The following RCAN1 variants were observed in gnomAD, a reference collection of about 807,000 sequenced individuals.
The protein encoded by RCAN1 is calcipressin-1.
Under a neutral mutation model 22.9 loss-of-function variants are expected in RCAN1, and 11 were observed. That is an observed-to-expected ratio of 0.48 (90% CI 0.30 to 0.79). The LOEUF is 0.79. Ranked by LOEUF, RCAN1 falls within the 30% of genes least tolerant of loss-of-function variation. The pLI, the probability that RCAN1 is intolerant of heterozygous loss-of-function variation, is 0.06. For synonymous variants in RCAN1, 136 were observed against 142.3 expected (o/e 0.96, Z 0.32); for missense variants, 291 against 337.8 (o/e 0.86, Z 1.09).
At chr21:34,595,086 G>A (rs1426787899) in intron 1 of RCAN1, among the ~76,000 whole-genome samples, 2 of 152,194 alleles carry the variant, frequency 1.3e-5, no homozygotes, top group Non-Finnish European at 2.9e-5. Flanking sequence ...AGGATGAAAT[G>A]CATTCACACT....
intron 1 of RCAN1, among the ~76,000 whole-genome samples, chr21:34,555,586 A>G (rs1986529014): frequency 6.6e-6 from 1 of 150,626 alleles, no homozygotes; most frequent in Non-Finnish European, 1.5e-5. Context: ...AAAAAAATAA[A>G]TAAAATAATA....
intron 1 of RCAN1, among the ~76,000 whole-genome samples, chr21:34,530,154 A>G (rs1235813192): frequency 6.6e-6 from 1 of 152,248 alleles, no homozygotes; most frequent in African/African-American, 2.4e-5. Context: ...TGCACTCAAC[A>G]TGATAAAACT....
At chr21:34,532,225 A>G (rs959431866) in intron 1 of RCAN1, among the ~76,000 whole-genome samples, 1 of 151,406 alleles carries the variant, frequency 6.6e-6, no homozygotes. Flanking sequence ...ATCAGATATT[A>G]AGGGTGGGGG....
intron 1 of RCAN1, among the ~76,000 whole-genome samples, chr21:34,573,704 T>C (rs2123686456): frequency 6.6e-6 from 1 of 152,366 alleles, no homozygotes; most frequent in Non-Finnish European, 1.5e-5. Flanking sequence ...CTGGACTCTT[T>C]CTTGGTCCTT....
intron 1 of RCAN1, among the ~76,000 whole-genome samples, chr21:34,548,636 G>T (rs1986238504): frequency 6.6e-6 from 1 of 152,156 alleles, no homozygotes; most frequent in South Asian, 2.1e-4. Flanking sequence ...TAAAACCTTT[G>T]TCTTTAACTG....
intron 1 of RCAN1, among the ~76,000 whole-genome samples, chr21:34,558,544 T>C (rs1284962461): frequency 6.6e-6 from 1 of 152,280 alleles, no homozygotes; most frequent in East Asian, 1.9e-4. Context: ...AGACACTGAT[T>C]CCTCAAATGG....
chr21:34,521,495 T>A lies in RCAN1; in HGVS notation c.586+4A>T, dbSNP rs1213155734. On this transcript the variant is annotated splice_donor_region_variant and intron_variant, in intron 3 of 3. Transcript: ENST00000313806. Reference sequence around the variant, plus strand: ...CCTCCCTCCCACCCGAGGGCCCTGCTCACCTGGCCCCAGCTTGGAGATGGC... The same window carrying A: ...CCTCCCTCCCACCCGAGGGCCCTGCACACCTGGCCCCAGCTTGGAGATGGC... The A allele has an allele frequency of 1.7e-5, 28 of 1,614,132 alleles. No individual in the cohort carries two copies. The highest frequency in any genetic ancestry group is 2.1e-5 in the Non-Finnish European group (25 of 1,180,012).
In RCAN1 at chr21:34,604,978, T is replaced by G. The variant is rs536598142; in HGVS notation, c.252+9782A>C. 2.3e-4 allele frequency among the ~76,000 whole-genome samples: 35 copies of G among 152,384 alleles called. 1 individual carries two copies. The highest frequency in any genetic ancestry group is 8.2e-4 in the African/African-American group (34 of 41,598). On this transcript the variant is annotated intron_variant, in intron 1 of 3. Coordinates refer to ENST00000313806, the MANE Select transcript of RCAN1 (RefSeq NM_004414.7). ...TCCACCTGAGCAGCAGGGTGCCACC[T>G]GCCTGGCACGCCATCGGCATGCATA...
chr21:34,612,593 A>G (rs1327394358), intron 1 of RCAN1, among the ~76,000 whole-genome samples: 1 of 152,080 alleles, frequency 6.6e-6, no homozygotes, highest in African/African-American at 2.4e-5. Flanking sequence ...CAACCTATGG[A>G]CTCCACTGCA....
chr21:34,612,204 A>G (rs1249774353), intron 1 of RCAN1, among the ~76,000 whole-genome samples: 1 of 152,124 alleles, frequency 6.6e-6, no homozygotes, highest in Non-Finnish European at 1.5e-5. Context: ...CCCTCCTGAA[A>G]GCCATTCTCC....
chr21:34,603,425 G>A (rs571926258), intron 1 of RCAN1, among the ~76,000 whole-genome samples: 118 of 152,340 alleles, frequency 7.7e-4, no homozygotes, highest in Non-Finnish European at 1.3e-3. Context: ...ATGGCGCTGG[G>A]AAAGGGGAGA....
At chr21:34,610,360 G>C (rs190807765) in intron 1 of RCAN1, among the ~76,000 whole-genome samples, 1 of 152,270 alleles carries the variant, frequency 6.6e-6, no homozygotes, top group East Asian at 1.9e-4. Context: ...CCATTAAGGC[G>C]AACGGAGGTA....
At chr21:34,540,497 G>A (rs556009951) in intron 1 of RCAN1, among the ~76,000 whole-genome samples, 7 of 152,254 alleles carry the variant, frequency 4.6e-5, no homozygotes, top group African/African-American at 1.7e-4. Context: ...CTCCTTGGCT[G>A]GGTAAAATTA....
At position 34,614,680 on chromosome 21, in the gene RCAN1, G is replaced by A. The variant is rs1988770403; in HGVS notation, c.252+80C>T. ...CCCCGCCCCGCGCGCGGCCGGGACT[G>A]GGCGCTGCGACCCGCGCCGCCTCCT... On this transcript the variant is annotated intron_variant, in intron 1 of 3. Coordinates refer to ENST00000313806, the MANE Select transcript of RCAN1 (RefSeq NM_004414.7). This position sits in a 1 kb window ranked among gnomAD's most constrained non-coding sequence, Gnocchi z 6.0. The A allele has an allele frequency of 6.4e-6, 8 of 1,257,354 alleles. No homozygotes were observed. In the Admixed American group the frequency reaches 1.7e-4, roughly 27 times the overall value. The allele number at this position is 1,257,354 out of a possible 1,614,324, so 77.9% of individuals were successfully genotyped here.
intron 1 of RCAN1, among the ~76,000 whole-genome samples, chr21:34,612,002 G>A (rs76224200): frequency 0.047 from 7,167 of 152,106 alleles, 233 homozygotes; most frequent in East Asian, 0.16. Flanking sequence ...GGACATCAGT[G>A]CACAACCCTC....
chr21:34,533,121 C>A (rs954957998), intron 1 of RCAN1, among the ~76,000 whole-genome samples: 1 of 151,722 alleles, frequency 6.6e-6, no homozygotes, highest in African/African-American at 2.4e-5. Flanking sequence ...CCACCACGCC[C>A]GGCTAATTTT....
At chr21:34,602,524 G>A (rs77327744) in intron 1 of RCAN1, among the ~76,000 whole-genome samples, 3,047 of 152,266 alleles carry the variant, frequency 0.02, 104 homozygotes, top group African/African-American at 0.07. Flanking sequence ...TTTTTCTGAA[G>A]GGTGGTCTGT....
At chr21:34,561,024 A>G (rs1234140634) in intron 1 of RCAN1, among the ~76,000 whole-genome samples, 1 of 152,126 alleles carries the variant, frequency 6.6e-6, no homozygotes, top group Non-Finnish European at 1.5e-5. Context: ...TTCTGGTGAT[A>G]ATGAGTGAGT....
At chr21:34,555,295 T>C (rs760294331) in intron 1 of RCAN1, among the ~76,000 whole-genome samples, 4 of 152,196 alleles carry the variant, frequency 2.6e-5, no homozygotes, top group East Asian at 1.9e-4. Context: ...TCGGGGACAT[T>C]TGAACACAGA....
Sources: allele counts gnomAD v4.1 joint callset (sites outside exome capture counted in the v4.1 genomes callset), GRCh38; gene constraint gnomAD v4.1.1; non-coding constraint Gnocchi (gnomAD v3.1); transcripts MANE v1.5; gene names NCBI Gene and HGNC (gene_info 2026-07-23, HGNC 2026-07-21).